The following CASKIN2 variants were observed in gnomAD, a reference collection of about 807,000 sequenced individuals.
The protein encoded by CASKIN2 is caskin-2.
CASKIN2 carries 41 observed loss-of-function variants against 107.1 expected under a neutral mutation model. That is an observed-to-expected ratio of 0.38 (90% CI 0.30 to 0.50). CASKIN2 has a LOEUF of 0.50. CASKIN2 is among the 20% of genes least tolerant of loss of function. The pLI is 0.92. For missense variants in CASKIN2, 1,546 were observed against 1,657.4 expected (o/e 0.93, Z 1.17); for synonymous variants, 724 against 705.6 (o/e 1.03, Z -0.41).
chr17:75,502,086 G>A lies in CASKIN2; in HGVS notation c.2988C>T (p.Cys996=), dbSNP rs542801266. 25 of 1,610,702 alleles carry A rather than the reference G, an allele frequency of 1.6e-5. No individual in the cohort carries two copies. In the African/African-American group the frequency reaches 2.3e-4, roughly 15 times the overall value. Residue 996 remains cysteine, a synonymous_variant, in exon 18 of 20, where the codon TGC becomes TGT. Transcript: ENST00000321617. The surrounding 1 kb of genome is among the most constrained non-coding windows in gnomAD (Gnocchi z 4.3). The stretch of plus-strand genomic sequence containing the variant: ...CGGTCTGCAGTGGCTCTCTCTCCCG[G>A]CACTTGGGCCTCCGCTTAACAGTGT... ...ESDTVKRRPK[C]REREPLQTAL... is the part of the protein sequence containing the mutation.
At chr17:75,509,613 G>GTTT (rs2053300237) in intron 2 of CASKIN2, 2 of 985,698 alleles carry the variant, frequency 2.0e-6, no homozygotes, top group Non-Finnish European at 2.4e-6. Flanking sequence ...CCCTTGGAAA[G>GTTT]TCCTTGTCAT....
chr17:75,507,902 G>C, intron 3 of CASKIN2: 1 of 580,482 alleles, frequency 1.7e-6, no homozygotes, highest in Non-Finnish European at 3.1e-6. Context: ...CCGCCTCCCA[G>C]CTGGCCCAGG....
intron 16 of CASKIN2, 65 bp downstream of exon 16, chr17:75,503,594 A>ACCT: frequency 1.2e-6 from 2 of 1,604,042 alleles, no homozygotes; most frequent in South Asian, 2.2e-5. Flanking sequence ...GAGAAAAGGC[A>ACCT]CCGCAAAGCC....
At chr17:75,508,133 A>G in intron 3 of CASKIN2, 101 bp downstream of exon 3, 1 of 1,313,062 alleles carries the variant, frequency 7.6e-7, no homozygotes, top group Non-Finnish European at 1.1e-6. Context: ...TCTGAGAGGG[A>G]AAGGGACCCT....
intron 2 of CASKIN2, among the ~76,000 whole-genome samples, chr17:75,512,889 G>C (rs1304638984): frequency 9.3e-6 from 1 of 107,760 alleles, no homozygotes; most frequent in East Asian, 2.3e-4. Flanking sequence ...GAGAAAGCAA[G>C]ACTCCGTCTC....
chr17:75,504,771 C>T lies in CASKIN2; in HGVS notation c.1192+41G>A, dbSNP rs371050079. 206 of 1,584,330 alleles carry T rather than the reference C, an allele frequency of 1.3e-4. No individual in the cohort carries two copies. In the African/African-American group the frequency reaches 1.9e-3, roughly 14 times the overall value. ...TGTCTGGCAGCTTGCCCAGGCCACA[C>T]GCCCACACAGTGCCCAGCACTGCCC... On this transcript the variant is annotated intron_variant, in intron 11 of 19. Coordinates refer to ENST00000321617, the MANE Select transcript of CASKIN2 (RefSeq NM_020753.5).
chr17:75,504,011 C>T (rs895690889), intron 14 of CASKIN2, 49 bp from the exon 15 acceptor site: 3 of 1,533,604 alleles, frequency 2.0e-6, no homozygotes, highest in African/African-American at 2.7e-5. Flanking sequence ...GGACCAAGGC[C>T]CTAGCCCCCA....
At chr17:75,504,027 G>T (rs1447136857) in intron 14 of CASKIN2, 65 bp from the exon 15 acceptor site, 1 of 1,454,606 alleles carries the variant, frequency 6.9e-7, no homozygotes, top group Non-Finnish European at 9.5e-7. Context: ...CCCCACCAGG[G>T]GCTCAGGACC....
At chr17:75,504,078 C>G in intron 14 of CASKIN2, 116 bp from the exon 15 acceptor site, 2 of 1,101,622 alleles carry the variant, frequency 1.8e-6, no homozygotes, top group Admixed American at 4.4e-5. Flanking sequence ...GCTCTTGCCT[C>G]TACCCTGCCC....
intron 2 of CASKIN2, chr17:75,509,518 G>A (rs763833354): frequency 3.0e-4 from 283 of 955,556 alleles, no homozygotes; most frequent in Non-Finnish European, 3.4e-4. Context: ...GTGCCACAAA[G>A]GTAAAGACAG....
At position 75,502,622 on chromosome 17, in the gene CASKIN2, G is replaced by A. The variant is rs915122278; in HGVS notation, c.2452C>T (p.Pro818Ser). 7.5e-6 allele frequency: 12 copies of A among 1,604,810 alleles called. No homozygotes were observed. Among genetic ancestry groups the A allele is most frequent in the Non-Finnish European group, 9.4e-6 (11 of 1,175,648 alleles). Residue 818 changes from proline to serine, a missense_variant, in exon 18 of 20, where the codon CCA becomes TCA. By Grantham distance (74) the Pro-to-Ser change is moderately conservative. This residue lies in a region of CASKIN2 where 1,311 missense variants were observed against 1,311.0 expected (regional missense o/e 1.00). Transcript: ENST00000321617. This position sits in a 1 kb window ranked among gnomAD's most constrained non-coding sequence, Gnocchi z 4.3. Reference protein sequence around the residue: ...EGDAEGEAEGPVGSTLGSYAT... With the variant: ...EGDAEGEAEGSVGSTLGSYAT... ...TAACTGCCTAGGGTGCTGCCCACTG[G>A]CCCTTCGGCCTCCCCCTCAGCATCC... is the stretch of plus-strand genomic sequence containing the variant.
chr17:75,501,631 G>C lies in CASKIN2; in HGVS notation c.3355C>G (p.Leu1119Val), dbSNP rs772296974. Reference sequence around the variant, plus strand: ...GGGCGGGGGCCGAGCCGGGGCGCTAGCTTAGGGCCAGAAAATGCCAGCTGG... The same window carrying C: ...GGGCGGGGGCCGAGCCGGGGCGCTACCTTAGGGCCAGAAAATGCCAGCTGG... ...CTQLAFSGPK[L>V]APRLGPRPVP... The change falls in exon 19 of 20, where the codon CTA (leucine) becomes GTA (valine). Residue 1119 changes from leucine to valine, a missense_variant. Physicochemically the swap from Leu to Val is conservative, Grantham distance 32. Coordinates refer to ENST00000321617, the MANE Select transcript of CASKIN2 (RefSeq NM_020753.5). The C allele has an allele frequency of 1.6e-5, 26 of 1,597,334 alleles. No individual in the cohort carries two copies. The highest frequency in any genetic ancestry group is 2.2e-5 in the Non-Finnish European group (26 of 1,171,322).
Position 75,502,762 on chromosome 17 carries a change from G to A in CASKIN2, c.2312C>T (p.Pro771Leu). Residue 771 changes from proline (P) to leucine (L), a missense_variant, in exon 18 of 20, where the codon CCT (proline) becomes CTT (leucine). This residue lies in a region of CASKIN2 where 1,311 missense variants were observed against 1,311.0 expected (regional missense o/e 1.00). Transcript: ENST00000321617. This position sits in a 1 kb window ranked among gnomAD's most constrained non-coding sequence, Gnocchi z 4.3. ...GGAGAAGGCCCAGGGTGCGCCAGGA[G>A]GTGGCCCTGGGGCCGGGCTAGAGGG... Reference protein sequence around the residue: ...GSPSSPAPGPPPGAPWAFSYL... With the variant: ...GSPSSPAPGPLPGAPWAFSYL... 5 of 1,600,538 alleles carry A rather than the reference G, an allele frequency of 3.1e-6. No individual in the cohort carries two copies. Among genetic ancestry groups the A allele is most frequent in the Non-Finnish European group, 3.4e-6 (4 of 1,173,228 alleles).
At position 75,501,435 on chromosome 17, in the gene CASKIN2, G is replaced by T. The variant is rs746868541; in HGVS notation, c.3518+33C>A. ...ATGCAGGGAGCACTGTTTCTCTGCA[G>T]CCTTCTCTCCCTCCCCATCCGGCCC... On this transcript the variant is annotated intron_variant, in intron 19 of 19. Coordinates refer to ENST00000321617, the MANE Select transcript of CASKIN2 (RefSeq NM_020753.5). 7 of 1,579,738 alleles carry T rather than the reference G, an allele frequency of 4.4e-6. No homozygotes were observed. In the Admixed American group the frequency reaches 1.0e-4, roughly 23 times the overall value.
Position 75,507,008 on chromosome 17 carries a change from A to G in CASKIN2, c.366T>C (p.Ala122=). 6.2e-7 allele frequency: 1 copy of G among 1,613,266 alleles called. No homozygotes were observed. Among genetic ancestry groups the G allele is most frequent in the Non-Finnish European group, 8.5e-7 (1 of 1,179,932 alleles). ...CCACCTCATAATGTCCATACTGTGC[A>G]GCCAGGTGCAGGGGGATCTGTCCGT... ...SLDGQIPLHL[A]AQYGHYEVSE... Residue 122 remains alanine (A), a synonymous_variant, in exon 5 of 20, where the codon GCT becomes GCC. Transcript: ENST00000321617.
Position 75,502,628 on chromosome 17 carries a change from C to A in CASKIN2, c.2446G>T (p.Glu816Ter). ...CCTAGGGTGCTGCCCACTGGCCCTT[C>A]GGCCTCCCCCTCAGCATCCCCCTCT... ...PTEGDAEGEA[E>*]GPVGSTLGSY... Residue 816 changes from glutamate to a stop codon, truncating the protein, a stop_gained, in exon 18 of 20, where the codon GAA becomes TAA. Transcript: ENST00000321617. LOFTEE classifies it high-confidence loss of function. This position sits in a 1 kb window ranked among gnomAD's most constrained non-coding sequence, Gnocchi z 4.3. The A allele has an allele frequency of 3.1e-6, 5 of 1,604,964 alleles. No homozygotes were observed. The highest frequency in any genetic ancestry group is 4.3e-6 in the Non-Finnish European group (5 of 1,175,742).
At chr17:75,509,969 G>A in intron 2 of CASKIN2, 1 of 977,594 alleles carries the variant, frequency 1.0e-6, no homozygotes, top group Non-Finnish European at 1.2e-6. Context: ...GAAAGGCGGT[G>A]GGGAAGAGGC....
In CASKIN2 at chr17:75,504,553, C is replaced by T. The variant is rs749463796; in HGVS notation, c.1314+19G>A. ...GTGGGGAGTGAGCCCTGACCTGGTC[C>T]GTGACCCCATCATCCTACCTGGGCG... On this transcript the variant is annotated intron_variant, in intron 12 of 19. Coordinates refer to ENST00000321617, the MANE Select transcript of CASKIN2 (RefSeq NM_020753.5). The T allele has an allele frequency of 1.1e-5, 17 of 1,593,992 alleles. No homozygotes were observed. The highest frequency in any genetic ancestry group is 8.4e-5 in the Admixed American group (5 of 59,356).
At chr17:75,513,076 GC>G (rs1379328105) in intron 2 of CASKIN2, among the ~76,000 whole-genome samples, 5 of 152,114 alleles carry the variant, frequency 3.3e-5, no homozygotes, top group Admixed American at 3.3e-4. Flanking sequence ...AAGACCATCT[GC>G]TAGAAGGCAA....
Sources: allele counts gnomAD v4.1 joint callset (sites outside exome capture counted in the v4.1 genomes callset), GRCh38; gene constraint gnomAD v4.1.1; regional missense constraint gnomAD v4.1.1; non-coding constraint Gnocchi (gnomAD v3.1); transcripts MANE v1.5; gene names NCBI Gene and HGNC (gene_info 2026-07-23, HGNC 2026-07-21).